The following TARS3 variants were observed in gnomAD, a reference collection of about 807,000 sequenced individuals.
TARS3 encodes the protein threonyl-tRNA synthetase 3, also known as threonine--tRNA ligase 2, cytoplasmic.
TARS3 carries 94 observed loss-of-function variants against 103.5 expected under a neutral mutation model. The ratio of observed to expected loss-of-function variants is 0.91; its 90% CI spans 0.77 to 1.08. The LOEUF is 1.08. Ranked by LOEUF, TARS3 falls within the 50% of genes least tolerant of loss-of-function variation. The probability of loss-of-function intolerance (pLI) is 0.00; values close to 1 mark genes in which losing one functional copy is unlikely to be tolerated. For missense variants in TARS3, 952 were observed against 995.2 expected, an observed-to-expected ratio of 0.96 and a Z score of 0.58; for synonymous variants, 416 against 355.4, an observed-to-expected ratio of 1.17 and a Z score of -1.92.
Position 101,663,200 on chromosome 15 carries a change from T to C in TARS3, c.1968-1384A>G, listed in dbSNP as rs76257322. Among the ~76,000 whole-genome samples, 1,488 of 152,332 alleles carry C rather than the reference T, an allele frequency of 9.8e-3. 15 individuals carry two copies. The highest frequency in any genetic ancestry group is 0.016 in the Non-Finnish European group (1,093 of 68,024). ...TATAAAGAAGCTGAAAAAAATTTTT[T>C]TTTAAATTATACTTTAAGTTCTAGG... On this transcript the variant is annotated intron_variant, in intron 15 of 18. Coordinates refer to ENST00000335968, the MANE Select transcript of TARS3 (RefSeq NM_152334.3).
intron 12 of TARS3, among the ~76,000 whole-genome samples, chr15:101,677,163 C>T (rs1898060802): frequency 6.6e-6 from 1 of 152,198 alleles, no homozygotes. Context: ...CAGCTGGCCA[C>T]CCTTACAACA....
At chr15:101,719,850 T>C (rs1006970519) in intron 3 of TARS3, among the ~76,000 whole-genome samples, 2 of 152,222 alleles carry the variant, frequency 1.3e-5, no homozygotes, top group African/African-American at 4.8e-5. Flanking sequence ...TGGTCACTTC[T>C]AGACGGTTAG....
intron 13 of TARS3, among the ~76,000 whole-genome samples, chr15:101,674,586 C>CG (rs1897946403): frequency 6.6e-6 from 1 of 152,028 alleles, no homozygotes; most frequent in African/African-American, 2.4e-5. Flanking sequence ...GCAGGAGGAT[C>CG]AGGAGGTCAG....
At chr15:101,721,461 A>G in intron 2 of TARS3, 139 bp from the exon 3 acceptor site, 1 of 617,160 alleles carries the variant, frequency 1.6e-6, no homozygotes, top group Non-Finnish European at 2.7e-6. Flanking sequence ...TTGAATTACG[A>G]TTTTGTTGTT....
At chr15:101,693,451 C>T (rs1292143434) in intron 10 of TARS3, among the ~76,000 whole-genome samples, 1 of 152,100 alleles carries the variant, frequency 6.6e-6, no homozygotes, top group Non-Finnish European at 1.5e-5. Flanking sequence ...CTCCGCCTGG[C>T]CCCACCCCTG....
At chr15:101,714,055 G>A (rs536323200) in intron 4 of TARS3, among the ~76,000 whole-genome samples, 1 of 152,148 alleles carries the variant, frequency 6.6e-6, no homozygotes, top group African/African-American at 2.4e-5. Context: ...ACAGCTTGAA[G>A]GGCGACTGCA....
At chr15:101,655,850 G>A in intron 18 of TARS3, 1 of 1,272,298 alleles carries the variant, frequency 7.9e-7, no homozygotes, top group South Asian at 1.3e-5. Context: ...GGCTCACGCT[G>A]ACTCCACCTG....
chr15:101,657,196 G>T (rs539940679), intron 17 of TARS3, among the ~76,000 whole-genome samples, 160 bp from the exon 18 acceptor site: 4 of 152,194 alleles, frequency 2.6e-5, no homozygotes, highest in Admixed American at 2.6e-4. Flanking sequence ...AAGTGTCGGC[G>T]CATCGTTTCT....
At chr15:101,671,388 C>A (rs1030620906) in intron 15 of TARS3, 98 bp downstream of exon 15, 1 of 875,298 alleles carries the variant, frequency 1.1e-6, no homozygotes, top group Non-Finnish European at 1.8e-6. Flanking sequence ...AGCACATATA[C>A]TAGACATTCA....
At chr15:101,721,421 T>C in intron 2 of TARS3, 99 bp from the exon 3 acceptor site, 1 of 817,756 alleles carries the variant, frequency 1.2e-6, no homozygotes, top group Non-Finnish European at 1.9e-6. Context: ...GCCTTCTCAG[T>C]TCTACAGATG....
At chr15:101,700,303 T>G (rs1205184351) in intron 10 of TARS3, among the ~76,000 whole-genome samples, 1 of 152,234 alleles carries the variant, frequency 6.6e-6, no homozygotes, top group East Asian at 1.9e-4. Flanking sequence ...GAACTTGTAA[T>G]ACAAGTAGGT....
At chr15:101,703,703 A>G (rs546651704) in intron 8 of TARS3, among the ~76,000 whole-genome samples, 156 bp downstream of exon 8, 1 of 152,352 alleles carries the variant, frequency 6.6e-6, no homozygotes, top group South Asian at 2.1e-4. Flanking sequence ...TCAAAATTCT[A>G]AATGATTTTA....
intron 8 of TARS3, among the ~76,000 whole-genome samples, chr15:101,703,275 A>G (rs1421565991): frequency 6.6e-6 from 1 of 152,194 alleles, no homozygotes; most frequent in Non-Finnish European, 1.5e-5. Flanking sequence ...ACCATAGTAT[A>G]TAGAACAATA....
chr15:101,713,292 C>T (rs1222740634), intron 4 of TARS3, among the ~76,000 whole-genome samples: 1 of 152,144 alleles, frequency 6.6e-6, no homozygotes, highest in African/African-American at 2.4e-5. Flanking sequence ...TGTGACAAAG[C>T]ATAGCTTGAG....
In TARS3 at chr15:101,691,063, C is replaced by A. The variant is rs190204839; in HGVS notation, c.1321-5001G>T. ...ACACCATTCTCCTGCCTCAGCCTCCCGAGTAGCTGGGACTACAGGCGCCCA... is the reference window on the plus strand; with the variant it reads ...ACACCATTCTCCTGCCTCAGCCTCCAGAGTAGCTGGGACTACAGGCGCCCA... On this transcript the variant is annotated intron_variant, in intron 10 of 18. Transcript: ENST00000335968. Among the ~76,000 whole-genome samples the A allele has an allele frequency of 3.1e-3, 474 of 152,090 alleles. 2 individuals are homozygous for A. Among genetic ancestry groups the A allele is most frequent in the African/African-American group, 0.01 (418 of 41,514 alleles).
chr15:101,674,721 C>T (rs1027162124), intron 13 of TARS3, among the ~76,000 whole-genome samples: 1 of 151,514 alleles, frequency 6.6e-6, no homozygotes, highest in Admixed American at 6.6e-5. Context: ...AGGAGAATGG[C>T]GTGAACCCGG....
At position 101,654,467 on chromosome 15, in the gene TARS3, G is replaced by T; in HGVS notation, c.*115C>A. 3 of 1,079,720 alleles carry T rather than the reference G, an allele frequency of 2.8e-6. No individual in the cohort carries two copies. The highest frequency in any genetic ancestry group is 4.0e-6 in the Non-Finnish European group (3 of 757,262). The allele number at this position is 1,079,720 out of a possible 1,614,324, so 66.9% of individuals were successfully genotyped here. ...TTCATCGTCTCCTTTCTCAGCTGAG[G>T]CCATGAGTGGACCCATCAGTGGCTC... On this transcript the variant is annotated 3_prime_UTR_variant, in exon 19 of 19. Coordinates refer to ENST00000335968, the MANE Select transcript of TARS3 (RefSeq NM_152334.3).
chr15:101,680,077 C>T (rs1338569661), intron 12 of TARS3, among the ~76,000 whole-genome samples: 1 of 152,198 alleles, frequency 6.6e-6, no homozygotes, highest in Non-Finnish European at 1.5e-5. Flanking sequence ...ATAGTCTTCA[C>T]TGACACTGCT....
chr15:101,709,963 G>A (rs777971466), intron 5 of TARS3, among the ~76,000 whole-genome samples: 2 of 152,138 alleles, frequency 1.3e-5, no homozygotes, highest in African/African-American at 2.4e-5. Flanking sequence ...AGGTCCCCTA[G>A]GTAGCTTCAG....
Sources: gnomAD v4.1 joint callset for allele counts (sites outside exome capture counted in the v4.1 genomes callset) on GRCh38, gnomAD v4.1.1 for gene constraint, MANE v1.5 for transcripts, NCBI Gene and HGNC (gene_info 2026-07-23, HGNC 2026-07-21) for gene names.